The following RAB11FIP4 variants were observed in gnomAD, a reference collection of about 807,000 sequenced individuals.
RAB11FIP4 encodes the protein RAB11 family interacting protein 4, also known as rab11 family-interacting protein 4.
A neutral mutation model predicts 74.3 loss-of-function variants in RAB11FIP4; 23 were observed. The ratio of observed to expected loss-of-function variants is 0.31; its 90% CI spans 0.22 to 0.44. The LOEUF (loss-of-function observed/expected upper bound fraction) is 0.44, where lower values mean the gene tolerates loss of function less well. Among genes scored for constraint, RAB11FIP4 ranks in the 20% least tolerant of loss-of-function variants. RAB11FIP4 has a pLI of 1.00. For synonymous variants in RAB11FIP4, 360 were observed against 359.9 expected (o/e 1.00, Z 0.00); for missense variants, 630 against 863.9 (o/e 0.73, Z 3.39).
chr17:31,505,065 G>T (rs2072291489), intron 3 of RAB11FIP4, among the ~76,000 whole-genome samples: 1 of 152,040 alleles, frequency 6.6e-6, no homozygotes, highest in Non-Finnish European at 1.5e-5. Flanking sequence ...CACACTATAG[G>T]TGATGCTGTG....
intron 3 of RAB11FIP4, among the ~76,000 whole-genome samples, chr17:31,452,556 TG>T (rs1400440051): frequency 2.0e-5 from 3 of 152,150 alleles, no homozygotes; most frequent in African/African-American, 7.2e-5. Flanking sequence ...TCAGCAATGG[TG>T]GTGCTGCTGA....
chr17:31,445,575 TA>T (rs1698827276), intron 3 of RAB11FIP4, among the ~76,000 whole-genome samples: 1 of 10,980 alleles, frequency 9.1e-5, no homozygotes, highest in African/African-American at 3.1e-4. Flanking sequence ...TATATATATA[TA>T]TATTTTTTTT....
intron 3 of RAB11FIP4, among the ~76,000 whole-genome samples, chr17:31,498,384 A>G (rs1295128493): frequency 6.6e-6 from 1 of 152,174 alleles, no homozygotes; most frequent in African/African-American, 2.4e-5. Flanking sequence ...AGACACCTGA[A>G]CTGAGCTTGC....
intron 3 of RAB11FIP4, among the ~76,000 whole-genome samples, chr17:31,437,095 C>T (rs1748920858): frequency 1.3e-5 from 2 of 152,148 alleles, no homozygotes; most frequent in African/African-American, 4.8e-5. Context: ...CCTTTCTGCC[C>T]TCCATGGAGG....
rs560090077 is a variant in RAB11FIP4, at chr17:31,432,711, T to C, written c.247+811T>C. On this transcript the variant is annotated intron_variant, in intron 2 of 14. Transcript: ENST00000621161. ...TCCTGCCTTTCTTCCTTGCCCCTGC[T>C]TCCAGTTTTAAGGGGACAATATAAA... is the stretch of plus-strand genomic sequence containing the variant. 3.9e-5 allele frequency among the ~76,000 whole-genome samples: 6 copies of C among 152,322 alleles called. No homozygotes were observed. In the South Asian group the frequency reaches 6.2e-4, roughly 16 times the overall value.
rs1252006021 is a variant in RAB11FIP4 at position 31,535,958 on chromosome 17, C to T, written c.*4226C>T. On this transcript the variant is annotated 3_prime_UTR_variant, in exon 15 of 15. Transcript: ENST00000621161. ...TGATAAAGGGAGTCCCAGCTCGTTC[C>T]CTGTTAGCCAAACCAGCATCCTACT... The T allele has an allele frequency of 6.6e-6, 1 of 151,636 alleles. No homozygotes were observed. The highest frequency in any genetic ancestry group is 2.4e-5 in the African/African-American group (1 of 41,172). 9.4% of individuals were successfully genotyped at this position (151,636 alleles called of 1,614,324 possible).
At chr17:31,392,046 C>A in intron 1 of RAB11FIP4, 35 bp downstream of exon 1, 2 of 1,233,298 alleles carry the variant, frequency 1.6e-6, no homozygotes, top group Non-Finnish European at 2.0e-6. Flanking sequence ...GGCCCGGGGA[C>A]CCCAGCCCAG....
Position 31,515,390 on chromosome 17 carries a change from G to A in RAB11FIP4, c.337-2261G>A, listed in dbSNP as rs146699183. Among the ~76,000 whole-genome samples, 44 of 148,798 alleles carry A rather than the reference G, an allele frequency of 3.0e-4. No individual in the cohort carries two copies. The East Asian group carries it at 5.1e-3, about 17-fold the overall frequency. On this transcript the variant is annotated intron_variant, in intron 3 of 14. Coordinates refer to ENST00000621161, the MANE Select transcript of RAB11FIP4 (RefSeq NM_032932.6). ...CTGTTGGCGTGCCCGGCTCGCTGGT[G>A]TACGTGTTATTGGTCCATCTGGTGC...
chr17:31,475,006 C>T (rs377026424), intron 3 of RAB11FIP4, among the ~76,000 whole-genome samples: 54 of 151,904 alleles, frequency 3.6e-4, no homozygotes, highest in Non-Finnish European at 6.2e-4. Context: ...CTTGAAGGAA[C>T]GTTTAAAGCC....
At chr17:31,451,391 G>A (rs1475340051) in intron 3 of RAB11FIP4, among the ~76,000 whole-genome samples, 2 of 150,938 alleles carry the variant, frequency 1.3e-5, no homozygotes, top group African/African-American at 2.4e-5. Context: ...CCCGGGAGGC[G>A]GAGGTTGCAG....
At chr17:31,473,925 G>GGGCT (rs2071764878) in intron 3 of RAB11FIP4, among the ~76,000 whole-genome samples, 1 of 152,180 alleles carries the variant, frequency 6.6e-6, no homozygotes, top group African/African-American at 2.4e-5. Flanking sequence ...GGAGCCAAAG[G>GGGCT]GGCTGCCTTG....
chr17:31,441,328 A>G (rs1268871558), intron 3 of RAB11FIP4, among the ~76,000 whole-genome samples: 1 of 151,602 alleles, frequency 6.6e-6, no homozygotes, highest in Non-Finnish European at 1.5e-5. Flanking sequence ...ATCTGGCCGG[A>G]AAGTTTTATA....
At chr17:31,416,556 C>A (rs904938543) in intron 1 of RAB11FIP4, among the ~76,000 whole-genome samples, 1 of 152,220 alleles carries the variant, frequency 6.6e-6, no homozygotes, top group African/African-American at 2.4e-5. Context: ...GGTGGCGGCT[C>A]CAGAATACAG....
At position 31,391,709 on chromosome 17, in the gene RAB11FIP4, G is replaced by T. The variant is rs1180820210; in HGVS notation, c.-144G>T. The T allele has an allele frequency of 3.7e-5, 19 of 507,738 alleles. No homozygotes were observed. The highest frequency in any genetic ancestry group is 1.3e-4 in the Admixed American group (2 of 15,128). 31.5% of individuals were successfully genotyped at this position (507,738 alleles called of 1,614,324 possible). On this transcript the variant is annotated 5_prime_UTR_variant, in exon 1 of 15. Transcript: ENST00000621161. Reference sequence around the variant, plus strand: ...GGGGCTGCGGCGCCGCTGCTGACACGGATCGGCCGCGGCCGCCACCGGGCG... The same window carrying T: ...GGGGCTGCGGCGCCGCTGCTGACACTGATCGGCCGCGGCCGCCACCGGGCG...
At chr17:31,447,080 C>G (rs561208637) in intron 3 of RAB11FIP4, among the ~76,000 whole-genome samples, 25 of 152,214 alleles carry the variant, frequency 1.6e-4, no homozygotes, top group South Asian at 1.0e-3. Context: ...GTCAGGAGAT[C>G]GAGACCATCC....
chr17:31,472,319 T>C (rs1483772939), intron 3 of RAB11FIP4, among the ~76,000 whole-genome samples: 1 of 152,100 alleles, frequency 6.6e-6, no homozygotes, highest in Admixed American at 6.5e-5. Flanking sequence ...GCAGGGAACC[T>C]GGGGAGAGAG....
At chr17:31,514,131 T>G (rs915096907) in intron 3 of RAB11FIP4, among the ~76,000 whole-genome samples, 3 of 152,250 alleles carry the variant, frequency 2.0e-5, no homozygotes, top group Non-Finnish European at 2.9e-5. Flanking sequence ...TGCCCCTGCT[T>G]CTGCCCTGCC....
intron 3 of RAB11FIP4, among the ~76,000 whole-genome samples, chr17:31,492,209 C>T (rs1490207397): frequency 2.0e-5 from 3 of 152,240 alleles, no homozygotes; most frequent in Non-Finnish European, 1.5e-5. Context: ...CCTCTTCACT[C>T]CCTCTGCCTG....
chr17:31,454,231 C>T (rs1259429623), intron 3 of RAB11FIP4, among the ~76,000 whole-genome samples: 1 of 152,164 alleles, frequency 6.6e-6, no homozygotes, highest in Non-Finnish European at 1.5e-5. Flanking sequence ...CATTTCCTGA[C>T]CAGGAAAATG....
Sources: allele counts gnomAD v4.1 joint callset (sites outside exome capture counted in the v4.1 genomes callset), GRCh38; gene constraint gnomAD v4.1.1; transcripts MANE v1.5; gene names NCBI Gene and HGNC (gene_info 2026-07-23, HGNC 2026-07-21).